PPP1R9A: variants seen among roughly 807,000 people sequenced by gnomAD.
PPP1R9A encodes protein phosphatase 1 regulatory subunit 9A.
In PPP1R9A, 59 loss-of-function variants were observed where a neutral mutation model predicts 141.9. That is an observed-to-expected ratio of 0.42 (90% CI 0.34 to 0.52). The LOEUF (loss-of-function observed/expected upper bound fraction) is 0.52. Among genes scored for constraint, PPP1R9A ranks in the 20% least tolerant of loss-of-function variants. The pLI, the probability that PPP1R9A is intolerant of heterozygous loss-of-function variation, is 0.10. For synonymous variants in PPP1R9A, 500 were observed against 569.7 expected (o/e 0.88, Z 1.74); for missense variants, 1,444 against 1,611.9 (o/e 0.90, Z 1.78).
intron 5 of PPP1R9A, among the ~76,000 whole-genome samples, chr7:95,195,510 TCAAA>T (rs1194833258): frequency 2.0e-5 from 3 of 150,558 alleles, no homozygotes; most frequent in East Asian, 4.0e-4. Flanking sequence ...ACTCCTGGGC[TCAAA>T]CATTCTTCCC....
intron 2 of PPP1R9A, among the ~76,000 whole-genome samples, chr7:94,944,685 C>T (rs956657398): frequency 1.3e-5 from 2 of 151,944 alleles, no homozygotes; most frequent in Non-Finnish European, 2.9e-5. Flanking sequence ...TTTGTAATCA[C>T]TTTTTGTGGT....
chr7:94,941,704 G>A (rs945895022), intron 2 of PPP1R9A, among the ~76,000 whole-genome samples: 1 of 151,912 alleles, frequency 6.6e-6, no homozygotes, highest in Non-Finnish European at 1.5e-5. Flanking sequence ...GCTGGCAAGT[G>A]TGGGAACCTA....
intron 4 of PPP1R9A, among the ~76,000 whole-genome samples, chr7:95,138,378 A>T (rs1451353994): frequency 6.6e-6 from 1 of 152,248 alleles, no homozygotes; most frequent in African/African-American, 2.4e-5. Context: ...AAGTTAATTC[A>T]AAATTAATTG....
At chr7:95,189,794 C>T (rs188016273) in intron 5 of PPP1R9A, among the ~76,000 whole-genome samples, 180 of 152,248 alleles carry the variant, frequency 1.2e-3, no homozygotes, top group Non-Finnish European at 2.3e-3. Flanking sequence ...AAGACCTTGA[C>T]TTTGAGCTCT....
intron 10 of PPP1R9A, among the ~76,000 whole-genome samples, chr7:95,250,922 G>C (rs1224929904): frequency 6.6e-6 from 1 of 151,986 alleles, no homozygotes; most frequent in Non-Finnish European, 1.5e-5. Flanking sequence ...ATTTTTACTA[G>C]ATTTTTTTCA....
chr7:94,992,735 T>A (rs1486520878), intron 2 of PPP1R9A, among the ~76,000 whole-genome samples: 1 of 152,220 alleles, frequency 6.6e-6, no homozygotes, highest in Admixed American at 6.5e-5. Context: ...ATTTTGCATC[T>A]TTTTATTGCC....
chr7:95,092,502 G>T (rs1817496382), intron 2 of PPP1R9A, among the ~76,000 whole-genome samples: 1 of 152,124 alleles, frequency 6.6e-6, no homozygotes, highest in Non-Finnish European at 1.5e-5. Flanking sequence ...TGCTCATGTT[G>T]TCAGCTTATC....
At chr7:95,192,787 A>G (rs1207934872) in intron 5 of PPP1R9A, among the ~76,000 whole-genome samples, 2 of 152,030 alleles carry the variant, frequency 1.3e-5, no homozygotes, top group African/African-American at 4.8e-5. Flanking sequence ...TAGCATACCC[A>G]TACTCTGAAT....
chr7:95,220,990 G>C (rs945738192), intron 7 of PPP1R9A, among the ~76,000 whole-genome samples: 4 of 152,062 alleles, frequency 2.6e-5, no homozygotes, highest in African/African-American at 7.2e-5. Context: ...GGTATATATA[G>C]AGGAAAGGAA....
intron 2 of PPP1R9A, among the ~76,000 whole-genome samples, chr7:94,928,466 G>A (rs1427812039): frequency 6.6e-6 from 1 of 152,142 alleles, no homozygotes; most frequent in Non-Finnish European, 1.5e-5. Flanking sequence ...TGTTCTTTCA[G>A]TAAACATTTA....
chr7:95,199,591 T>C (rs922764230), intron 6 of PPP1R9A, among the ~76,000 whole-genome samples: 4 of 152,152 alleles, frequency 2.6e-5, no homozygotes, highest in African/African-American at 9.6e-5. Context: ...AAATTAGAGG[T>C]GGTATATCCG....
intron 4 of PPP1R9A, among the ~76,000 whole-genome samples, chr7:95,123,916 A>G (rs1383071692): frequency 6.6e-6 from 1 of 152,180 alleles, no homozygotes; most frequent in African/African-American, 2.4e-5. Flanking sequence ...AATAGTTATT[A>G]TGGGAGAAGC....
chr7:95,162,803 G>GT (rs1183622564), intron 5 of PPP1R9A, among the ~76,000 whole-genome samples: 2 of 152,288 alleles, frequency 1.3e-5, no homozygotes, highest in East Asian at 3.9e-4. Flanking sequence ...TATTATTGCA[G>GT]TATGTCTAAT....
At chr7:95,267,342 A>G (rs1801458197) in intron 12 of PPP1R9A, among the ~76,000 whole-genome samples, 2 of 152,144 alleles carry the variant, frequency 1.3e-5, no homozygotes, top group Admixed American at 1.3e-4. Flanking sequence ...TTTGCACTCA[A>G]TTATTAACTC....
At chr7:94,972,625 G>A (rs748263474) in intron 2 of PPP1R9A, among the ~76,000 whole-genome samples, 11 of 152,152 alleles carry the variant, frequency 7.2e-5, no homozygotes, top group Non-Finnish European at 1.2e-4. Flanking sequence ...TTCCAGCTGT[G>A]TTTCCTGGGT....
Position 95,280,266 on chromosome 7 carries a change from A to G in PPP1R9A, c.3297-3752A>G, listed in dbSNP as rs1455627946. 3.9e-5 allele frequency among the ~76,000 whole-genome samples: 6 copies of G among 152,292 alleles called. No individual in the cohort carries two copies. In the South Asian group the frequency reaches 8.3e-4, roughly 21 times the overall value. On this transcript the variant is annotated intron_variant, in intron 16 of 19. Coordinates refer to ENST00000433360, the MANE Select transcript of PPP1R9A (RefSeq NM_001166160.2). Reference sequence around the variant, plus strand: ...CTCTGGTTGCAACTAATTTTCTTCAATTAACTTCTTTTACTCCTGGGCTTA... The same window carrying G: ...CTCTGGTTGCAACTAATTTTCTTCAGTTAACTTCTTTTACTCCTGGGCTTA...
intron 2 of PPP1R9A, among the ~76,000 whole-genome samples, chr7:95,050,865 TA>T (rs1408271371): frequency 6.6e-6 from 1 of 152,260 alleles, no homozygotes; most frequent in African/African-American, 2.4e-5. Context: ...TAGAATTTTA[TA>T]ATATTGCATC....
intron 5 of PPP1R9A, among the ~76,000 whole-genome samples, chr7:95,187,899 T>G (rs1834877796): frequency 6.6e-6 from 1 of 152,186 alleles, no homozygotes; most frequent in African/African-American, 2.4e-5. Context: ...CCTTAATTTA[T>G]TGAGACTTGT....
chr7:95,146,727 T>C (rs1827690703), intron 4 of PPP1R9A, among the ~76,000 whole-genome samples: 1 of 152,228 alleles, frequency 6.6e-6, no homozygotes, highest in Non-Finnish European at 1.5e-5. Context: ...CTAGCTAGTT[T>C]TCTCAACACC....
Sources: gnomAD v4.1 joint callset for allele counts (sites outside exome capture counted in the v4.1 genomes callset) on GRCh38, gnomAD v4.1.1 for gene constraint, MANE v1.5 for transcripts, NCBI Gene and HGNC (gene_info 2026-07-23, HGNC 2026-07-21) for gene names.